Variants in ARHGEF16 observed in about 807,000 individuals in gnomAD.
ARHGEF16 encodes Rho guanine exchange factor (GEF) 16.
A neutral mutation model predicts 74.1 loss-of-function variants in ARHGEF16; 59 were observed. The observed-to-expected ratio is 0.80, with a 90% CI of 0.65 to 0.99. ARHGEF16 has a LOEUF of 0.99. Ranked by LOEUF, ARHGEF16 falls within the 50% of genes least tolerant of loss-of-function variation. The pLI, the probability that ARHGEF16 is intolerant of heterozygous loss-of-function variation, is 0.00. For synonymous variants in ARHGEF16, 415 were observed against 412.6 expected (o/e 1.01, Z -0.07); for missense variants, 948 against 986.6 (o/e 0.96, Z 0.52).
chr1:3,478,537 C>G lies in ARHGEF16; in HGVS notation c.1739C>G (p.Pro580Arg). ...GGCGGCAACCGTAGCTCCTCCGTGC[C>G]CCACCCCTTCCAGGTGACCCTGCTT... ...PGGGNRSSSV[P>R]HPFQVTLLRN... The change falls in exon 12 of 15, where the codon CCC (proline) becomes CGC (arginine). Residue 580 changes from proline to arginine, a missense_variant. Transcript: ENST00000378378. 1 of 1,612,660 alleles carries G rather than the reference C, an allele frequency of 6.2e-7. No individual in the cohort carries two copies. The highest frequency in any genetic ancestry group is 8.5e-7 in the Non-Finnish European group (1 of 1,179,864).
intron 4 of ARHGEF16, 121 bp downstream of exon 4, chr1:3,467,458 G>T (rs1639580195): frequency 8.0e-7 from 1 of 1,242,398 alleles, no homozygotes; most frequent in South Asian, 1.6e-5. Flanking sequence ...CTCCCAGGGA[G>T]GGTGGGCAGC....
In ARHGEF16 at chr1:3,480,134, C is replaced by G. The variant is rs534334263; in HGVS notation, c.1990+221C>G. Among the ~76,000 whole-genome samples the G allele has an allele frequency of 1.2e-4, 18 of 152,338 alleles. No individual in the cohort carries two copies. The East Asian group carries it at 3.5e-3, about 29-fold the overall frequency. ...CCCACGTGGGGAGGAGGAGGTGTCT[C>G]TGCCCTCCCAGGGGATCCCCGCTCA... On this transcript the variant is annotated intron_variant, in intron 14 of 14. Transcript: ENST00000378378.
At chr1:3,470,362 G>A (rs1347377011) in intron 6 of ARHGEF16, among the ~76,000 whole-genome samples, 1 of 151,662 alleles carries the variant, frequency 6.6e-6, no homozygotes, top group Non-Finnish European at 1.5e-5. Context: ...GCGTGGGCAG[G>A]TATGTGTGTG....
In ARHGEF16 at chr1:3,469,498, G is replaced by A. The variant is rs1475857312; in HGVS notation, c.927G>A (p.Glu309=). ...ACAGCCTGAGCATCCTGGTGGAGGA[G>A]TTCCTGCAGTCCAAGGAGCTGCGGG... The part of the protein sequence containing the change: ...YQHSLSILVE[E]FLQSKELRAT... The change falls in exon 6 of 15, where the codon GAG becomes GAA. Residue 309 remains glutamate, a synonymous_variant. Coordinates refer to ENST00000378378, the MANE Select transcript of ARHGEF16 (RefSeq NM_014448.4). The A allele has an allele frequency of 6.2e-7, 1 of 1,613,246 alleles. No homozygotes were observed. Among genetic ancestry groups the A allele is most frequent in the South Asian group, 1.1e-5 (1 of 91,086 alleles).
intron 1 of ARHGEF16, among the ~76,000 whole-genome samples, chr1:3,461,992 G>A (rs1034989876): frequency 6.6e-6 from 1 of 152,180 alleles, no homozygotes; most frequent in African/African-American, 2.4e-5. Context: ...GAAATGGGAA[G>A]CAGTAGTGTC....
chr1:3,476,153 A>T (rs1639867918), intron 10 of ARHGEF16, 91 bp downstream of exon 10: 1 of 1,356,196 alleles, frequency 7.4e-7, no homozygotes, highest in South Asian at 1.4e-5. Context: ...CCTGAGCCTG[A>T]GGGCTGGAGA....
rs576530769 is a variant in ARHGEF16, at chr1:3,463,409, G to C, written c.325G>C (p.Gly109Arg). Residue 109 changes from glycine to arginine, a missense_variant, in exon 2 of 15, where the codon GGG becomes CGG. By Grantham distance (125) the Gly-to-Arg change is moderately radical (BLOSUM62 -2). Transcript: ENST00000378378. ...AKTPARHQSF[G>R]AAVLSREAAR... The stretch of plus-strand genomic sequence containing the variant: ...GACCCCAGCCCGCCACCAGAGCTTC[G>C]GGGCGGCTGTACTTAGCAGGGAGGC... The C allele has an allele frequency of 6.5e-7, 1 of 1,550,080 alleles. No individual in the cohort carries two copies. The highest frequency in any genetic ancestry group is 2.0e-5 in the Admixed American group (1 of 50,974).
At chr1:3,456,271 G>C (rs996165445) in intron 1 of ARHGEF16, among the ~76,000 whole-genome samples, 1 of 152,248 alleles carries the variant, frequency 6.6e-6, no homozygotes, top group African/African-American at 2.4e-5. Context: ...CGGCGTGCCA[G>C]GGTCCCCACA....
intron 12 of ARHGEF16, 90 bp from the exon 13 acceptor site, chr1:3,479,427 C>CG: frequency 7.1e-7 from 1 of 1,411,446 alleles, no homozygotes; most frequent in Non-Finnish European, 9.8e-7. Flanking sequence ...CTCCTTGCCA[C>CG]GGCCCCCATG....
intron 6 of ARHGEF16, 90 bp from the exon 7 acceptor site, chr1:3,472,988 G>A: frequency 7.2e-7 from 1 of 1,392,050 alleles, no homozygotes; most frequent in Non-Finnish European, 9.7e-7. Flanking sequence ...ATGTATGTGT[G>A]AGTGTGCATG....
chr1:3,461,222 T>C (rs1429950547), intron 1 of ARHGEF16, among the ~76,000 whole-genome samples: 1 of 152,254 alleles, frequency 6.6e-6, no homozygotes, highest in Non-Finnish European at 1.5e-5. Flanking sequence ...GTTTTCTCCA[T>C]GTCGTTACCT....
At position 3,478,045 on chromosome 1, in the gene ARHGEF16, G is replaced by A. The variant is rs780521473; in HGVS notation, c.1625+19G>A. On this transcript the variant is annotated intron_variant, in intron 11 of 14. Transcript: ENST00000378378. ...AGAAGAGGTGGCCTTAGGGCAGGAG[G>A]GTGTGGGGAGCCCCACTCCATGGAC... is the stretch of plus-strand genomic sequence containing the variant. The A allele has an allele frequency of 5.6e-6, 9 of 1,612,592 alleles. No individual in the cohort carries two copies. Among genetic ancestry groups the A allele is most frequent in the South Asian group, 1.1e-5 (1 of 91,070 alleles).
intron 4 of ARHGEF16, 54 bp from the exon 5 acceptor site, chr1:3,468,826 G>C: frequency 6.5e-7 from 1 of 1,543,946 alleles, no homozygotes; most frequent in Non-Finnish European, 8.8e-7. Context: ...GGGAGACTTT[G>C]GCCCAGGCTT....
chr1:3,471,734 G>A (rs1226016861), intron 6 of ARHGEF16: 1 of 1,208,882 alleles, frequency 8.3e-7, no homozygotes, highest in South Asian at 1.5e-5. Context: ...CCCCAGCTGG[G>A]CCCCCGACAG....
intron 2 of ARHGEF16, among the ~76,000 whole-genome samples, chr1:3,464,808 G>A (rs573442480): frequency 7.9e-5 from 12 of 152,320 alleles, no homozygotes; most frequent in Admixed American, 3.3e-4. Flanking sequence ...GTGCCAGAGC[G>A]TCTTCTTCAC....
chr1:3,474,418 G>A, intron 8 of ARHGEF16: 3 of 407,992 alleles, frequency 7.4e-6, no homozygotes, highest in Non-Finnish European at 1.4e-5. Flanking sequence ...GCTGCCAGGG[G>A]GCCTCCACTG....
At position 3,480,635 on chromosome 1, in the gene ARHGEF16, A is replaced by G; in HGVS notation, c.*48A>G. The G allele has an allele frequency of 6.3e-7, 1 of 1,587,100 alleles. No individual in the cohort carries two copies. ...CAGCACAGCCTGTCTCCAATCAGCA[A>G]GTGGTCGTGCCTGGCTCTAGAGAGC... is the stretch of plus-strand genomic sequence containing the variant. On this transcript the variant is annotated 3_prime_UTR_variant, in exon 15 of 15. Transcript: ENST00000378378.
chr1:3,475,010 G>A (rs1489733477), intron 9 of ARHGEF16, among the ~76,000 whole-genome samples: 1 of 148,354 alleles, frequency 6.7e-6, no homozygotes, highest in Non-Finnish European at 1.5e-5. Context: ...CAGGGAAACT[G>A]AGGCCCAGAG....
rs1446112110 is a variant in ARHGEF16 at position 3,478,575 on chromosome 1, G to C, written c.1777G>C (p.Gly593Arg). Reference sequence around the variant, plus strand: ...GGTGACCCTGCTTCGCAACAGCGAGGGCCGCCAGGAGCAGCTCCTGCTCTC... The same window carrying C: ...GGTGACCCTGCTTCGCAACAGCGAGCGCCGCCAGGAGCAGCTCCTGCTCTC... ...FQVTLLRNSE[G>R]RQEQLLLSSD... Residue 593 changes from glycine (G) to arginine (R), a missense_variant, in exon 12 of 15, where the codon GGC becomes CGC. Gly to Arg is a moderately radical substitution (Grantham distance 125, BLOSUM62 -2). Transcript: ENST00000378378. 2 of 1,612,276 alleles carry C rather than the reference G, an allele frequency of 1.2e-6. No individual in the cohort carries two copies. Among genetic ancestry groups the C allele is most frequent in the African/African-American group, 2.7e-5 (2 of 74,952 alleles).
Sources: gnomAD v4.1 joint callset for allele counts (sites outside exome capture counted in the v4.1 genomes callset) on GRCh38, gnomAD v4.1.1 for gene constraint, MANE v1.5 for transcripts, NCBI Gene and HGNC (gene_info 2026-07-23, HGNC 2026-07-21) for gene names.